The following GTF3C3 variants were observed in gnomAD, a reference collection of about 807,000 sequenced individuals.
GTF3C3 encodes the protein general transcription factor 3C polypeptide 3.
In GTF3C3, 75 loss-of-function variants were observed where a neutral mutation model predicts 105.2. The observed-to-expected ratio is 0.71, with a 90% CI of 0.59 to 0.86. The LOEUF is 0.86. GTF3C3 is among the 40% of genes least tolerant of loss of function. The pLI, the probability that GTF3C3 is intolerant of heterozygous loss-of-function variation, is 0.00. For missense variants in GTF3C3, 856 were observed against 1,076.5 expected (o/e 0.80, Z 2.87); for synonymous variants, 335 against 370.4 (o/e 0.90, Z 1.10).
At chr2:196,765,664 A>G (rs1222406076) in intron 17 of GTF3C3, among the ~76,000 whole-genome samples, 4 of 151,052 alleles carry the variant, frequency 2.6e-5, no homozygotes, top group Non-Finnish European at 4.4e-5. Context: ...TTTATATATA[A>G]AAACAGCATC....
intron 17 of GTF3C3, among the ~76,000 whole-genome samples, chr2:196,765,771 G>A (rs905771128): frequency 2.0e-5 from 3 of 151,916 alleles, no homozygotes; most frequent in African/African-American, 7.2e-5. Flanking sequence ...AGCACTTTGG[G>A]AGGCTGAGGC....
In GTF3C3 at chr2:196,776,259, T is replaced by A; in HGVS notation, c.1594-148A>T. ...AGAGCCAATATTTTAAAACTATAAT[T>A]TGTAACCCAACCAGTGGCTGAAATC... On this transcript the variant is annotated intron_variant, in intron 11 of 17. Transcript: ENST00000263956. The surrounding 1 kb of genome is among the most constrained non-coding windows in gnomAD (Gnocchi z 4.5). The A allele has an allele frequency of 1.4e-6, 1 of 712,026 alleles. No homozygotes were observed. Among genetic ancestry groups the A allele is most frequent in the Non-Finnish European group, 2.3e-6 (1 of 428,216 alleles). 44.1% of individuals were successfully genotyped at this position (712,026 alleles called of 1,614,324 possible). A position where few individuals can be genotyped will look rare whatever the true frequency, so the allele number is the denominator to read the frequency against.
intron 2 of GTF3C3, among the ~76,000 whole-genome samples, chr2:196,796,252 T>C (rs1559307487): frequency 6.6e-6 from 1 of 152,216 alleles, no homozygotes; most frequent in Non-Finnish European, 1.5e-5. Flanking sequence ...TATGACATTA[T>C]CTGAGCTGAA....
chr2:196,784,030 T>C (rs1699413732), intron 8 of GTF3C3, among the ~76,000 whole-genome samples: 1 of 152,194 alleles, frequency 6.6e-6, no homozygotes, highest in Non-Finnish European at 1.5e-5. Context: ...GAATTACTGC[T>C]CACCATTAGG....
At chr2:196,781,388 A>ATATATATATATATATATATAT (rs10522313) in intron 8 of GTF3C3, among the ~76,000 whole-genome samples, 2 of 126,006 alleles carry the variant, frequency 1.6e-5, no homozygotes, top group Non-Finnish European at 3.4e-5. Context: ...ATATATATAT[A>ATATATATATATATATATATAT]AAATTAAATA....
intron 3 of GTF3C3, among the ~76,000 whole-genome samples, 188 bp downstream of exon 3, chr2:196,792,768 T>G (rs1699573684): frequency 6.6e-6 from 1 of 152,056 alleles, no homozygotes; most frequent in Non-Finnish European, 1.5e-5. Flanking sequence ...CACACCACCA[T>G]GCCCGGCTAT....
At position 196,788,067 on chromosome 2, in the gene GTF3C3, T is replaced by C. The variant is rs552867808; in HGVS notation, c.893+1137A>G. Among the ~76,000 whole-genome samples, 37 of 152,374 alleles carry C rather than the reference T, an allele frequency of 2.4e-4. No homozygotes were observed. In the South Asian group the frequency reaches 7.7e-3, roughly 32 times the overall value. On this transcript the variant is annotated intron_variant, in intron 6 of 17. Coordinates refer to ENST00000263956, the MANE Select transcript of GTF3C3 (RefSeq NM_012086.5). ...TCAAAGGCTACTGGACTAACCACTG[T>C]GACAGCTATAGATTTAACTAACAGC...
At chr2:196,769,418 T>A (rs1576016379) in intron 16 of GTF3C3, among the ~76,000 whole-genome samples, 1 of 152,250 alleles carries the variant, frequency 6.6e-6, no homozygotes, top group Non-Finnish European at 1.5e-5. Flanking sequence ...TCTGATCTGC[T>A]GGACTTTATA....
chr2:196,795,122 G>C (rs1156909877), intron 2 of GTF3C3, among the ~76,000 whole-genome samples: 2 of 152,118 alleles, frequency 1.3e-5, no homozygotes, highest in African/African-American at 4.8e-5. Flanking sequence ...GGTCACTGCA[G>C]CCTCTGCCTT....
rs532895129 is a variant in GTF3C3, at chr2:196,786,907, T to C, written c.894-1319A>G. Reference sequence around the variant, plus strand: ...CATTTTACGTGATCTATCTGCAATATCTCACACAGATGATCATCCCTCCTA... The same window carrying C: ...CATTTTACGTGATCTATCTGCAATACCTCACACAGATGATCATCCCTCCTA... On this transcript the variant is annotated intron_variant, in intron 6 of 17. Coordinates refer to ENST00000263956, the MANE Select transcript of GTF3C3 (RefSeq NM_012086.5). This position sits in a 1 kb window ranked among gnomAD's most constrained non-coding sequence, Gnocchi z 4.2. Among the ~76,000 whole-genome samples the C allele has an allele frequency of 2.4e-4, 37 of 152,286 alleles. No individual in the cohort carries two copies. Among genetic ancestry groups the C allele is most frequent in the African/African-American group, 8.7e-4 (36 of 41,554 alleles).
chr2:196,783,647 T>C (rs1194410122), intron 8 of GTF3C3, among the ~76,000 whole-genome samples: 2 of 152,152 alleles, frequency 1.3e-5, no homozygotes, highest in African/African-American at 4.8e-5. Flanking sequence ...GCAGTGCTCC[T>C]ACACCCTGTG....
chr2:196,769,301 A>C (rs1699128409), intron 16 of GTF3C3, among the ~76,000 whole-genome samples: 1 of 152,188 alleles, frequency 6.6e-6, no homozygotes, highest in Non-Finnish European at 1.5e-5. Flanking sequence ...CTCACCTACT[A>C]CTTAATAAAA....
intron 5 of GTF3C3, 51 bp downstream of exon 5, chr2:196,789,828 C>A (rs1423653545): frequency 8.8e-7 from 1 of 1,141,780 alleles, no homozygotes; most frequent in Admixed American, 2.5e-5. Context: ...GATCAAAAAA[C>A]CTATTATGTA....
At chr2:196,781,357 A>AAAAAAAAAAAAATATATATAT in intron 8 of GTF3C3, among the ~76,000 whole-genome samples, 1 of 18,822 alleles carries the variant, frequency 5.3e-5, no homozygotes, top group Non-Finnish European at 1.5e-4. Flanking sequence ...AAAAAAAAAA[A>AAAAAAAAAAAAATATATATAT]ATATATATAT....
intron 12 of GTF3C3, 70 bp downstream of exon 12, chr2:196,775,940 C>CT (rs1699252117): frequency 2.9e-6 from 2 of 679,706 alleles, no homozygotes; most frequent in East Asian, 5.6e-5. Context: ...GTAGTATAAT[C>CT]TATGTTTAAA....
intron 13 of GTF3C3, among the ~76,000 whole-genome samples, chr2:196,774,236 G>A (rs1699224943): frequency 6.6e-6 from 1 of 152,104 alleles, no homozygotes; most frequent in African/African-American, 2.4e-5. Context: ...GGACAAATCT[G>A]TATGTATGAA....
At position 196,763,740 on chromosome 2, in the gene GTF3C3, G is replaced by GTTAAC. The variant is rs1050756587; in HGVS notation, c.*818_*822dup. 6.6e-6 allele frequency: 1 copy of GTTAAC among 152,066 alleles called. No homozygotes were observed. The highest frequency in any genetic ancestry group is 2.4e-5 in the African/African-American group (1 of 41,402). The allele number at this position is 152,066 out of a possible 1,614,324, so 9.4% of individuals were successfully genotyped here. On this transcript the variant is annotated 3_prime_UTR_variant, in exon 18 of 18. Coordinates refer to ENST00000263956, the MANE Select transcript of GTF3C3 (RefSeq NM_012086.5). ...AACAGTATATCATCTAAAAAGTACT[G>GTTAAC]TTAACTTAAATTCAAGAACATATAA...
At chr2:196,774,262 A>T (rs567589414) in intron 13 of GTF3C3, among the ~76,000 whole-genome samples, 4 of 152,322 alleles carry the variant, frequency 2.6e-5, no homozygotes, top group African/African-American at 9.6e-5. Context: ...TTACTACATT[A>T]CTGCTTATAA....
intron 8 of GTF3C3, among the ~76,000 whole-genome samples, chr2:196,781,190 C>T (rs544936664): frequency 1.3e-5 from 2 of 150,526 alleles, no homozygotes; most frequent in South Asian, 4.2e-4. Flanking sequence ...GAGGACATCA[C>T]AGATGTATCC....
Sources: gnomAD v4.1 joint callset for allele counts (sites outside exome capture counted in the v4.1 genomes callset) on GRCh38, gnomAD v4.1.1 for gene constraint, Gnocchi (gnomAD v3.1) non-coding constraint, MANE v1.5 for transcripts, NCBI Gene and HGNC (gene_info 2026-07-23, HGNC 2026-07-21) for gene names.